ALMS1: variants seen among roughly 807,000 people sequenced by gnomAD.
ALMS1 encodes ALMS1 centrosome and basal body associated protein, also known as centrosome-associated protein ALMS1.
Under a neutral mutation model 352.2 loss-of-function variants are expected in ALMS1, and 271 were observed. The ratio of observed to expected loss-of-function variants is 0.77; its 90% CI spans 0.70 to 0.85. The LOEUF (loss-of-function observed/expected upper bound fraction) is 0.85. Among genes scored for constraint, ALMS1 ranks in the 40% least tolerant of loss-of-function variants. The pLI, the probability that ALMS1 is intolerant of heterozygous loss-of-function variation, is 0.00. For missense variants in ALMS1, 5,445 were observed against 4,870.7 expected (o/e 1.12, Z -3.51); for synonymous variants, 1,865 against 1,761.2 (o/e 1.06, Z -1.48).
intron 1 of ALMS1, among the ~76,000 whole-genome samples, chr2:73,393,458 G>C (rs1670692235): frequency 6.6e-6 from 1 of 151,652 alleles, no homozygotes; most frequent in South Asian, 2.1e-4. Flanking sequence ...TTGTTACATT[G>C]ATATATTGCA....
intron 10 of ALMS1, 117 bp from the exon 11 acceptor site, chr2:73,519,658 G>T: frequency 7.3e-7 from 1 of 1,366,078 alleles, no homozygotes; most frequent in South Asian, 1.3e-5. Flanking sequence ...ACATTGATGT[G>T]TCCACAATAT....
chr2:73,584,755 A>G (rs186668412), intron 16 of ALMS1, among the ~76,000 whole-genome samples: 2 of 152,242 alleles, frequency 1.3e-5, no homozygotes, highest in African/African-American at 4.8e-5. Flanking sequence ...ACTGCACCTA[A>G]TGTGTAGTCT....
At chr2:73,607,927 G>A (rs1011802328) in intron 21 of ALMS1, among the ~76,000 whole-genome samples, 4 of 151,008 alleles carry the variant, frequency 2.6e-5, no homozygotes, top group African/African-American at 9.8e-5. Flanking sequence ...CTCCCAAAGT[G>A]CTGGGTTTAC....
intron 6 of ALMS1, among the ~76,000 whole-genome samples, chr2:73,427,792 G>T (rs926903554): frequency 6.6e-6 from 1 of 152,114 alleles, no homozygotes; most frequent in Non-Finnish European, 1.5e-5. Context: ...GTCTGGTACT[G>T]TAAGTCCCAA....
At chr2:73,390,897 A>T (rs1670630125) in intron 1 of ALMS1, among the ~76,000 whole-genome samples, 2 of 152,056 alleles carry the variant, frequency 1.3e-5, no homozygotes, top group South Asian at 4.2e-4. Flanking sequence ...CAGCCTCCGC[A>T]GTAGCTGGGA....
At chr2:73,571,255 G>T (rs1303631796) in intron 15 of ALMS1, among the ~76,000 whole-genome samples, 1 of 152,166 alleles carries the variant, frequency 6.6e-6, no homozygotes, top group Non-Finnish European at 1.5e-5. Flanking sequence ...TCCCATCATT[G>T]CATGTGTGTA....
chr2:73,439,601 T>C (rs7598946), intron 7 of ALMS1, among the ~76,000 whole-genome samples: 58,476 of 151,858 alleles, frequency 0.39, 15,742 homozygotes, highest in African/African-American at 0.77. Flanking sequence ...AGTACGGTGG[T>C]GTGATCTCGG....
rs534594929 is a variant in ALMS1 at position 73,430,302 on chromosome 2, T to G, written c.1339-1896T>G. Among the ~76,000 whole-genome samples, 7 of 152,282 alleles carry G rather than the reference T, an allele frequency of 4.6e-5. No individual in the cohort carries two copies. In the East Asian group the frequency reaches 1.4e-3, roughly 29 times the overall value. On this transcript the variant is annotated intron_variant, in intron 6 of 22. Coordinates refer to ENST00000613296, the MANE Select transcript of ALMS1 (RefSeq NM_001378454.1). Reference sequence around the variant, plus strand: ...CGTGTTAGCCAGGATGGTCTCGATCTCCTGACTTCGTGATCCGCCCGCCTC... The same window carrying G: ...CGTGTTAGCCAGGATGGTCTCGATCGCCTGACTTCGTGATCCGCCCGCCTC...
intron 11 of ALMS1, among the ~76,000 whole-genome samples, chr2:73,530,874 A>T (rs1673896085): frequency 6.6e-6 from 1 of 152,208 alleles, no homozygotes; most frequent in Admixed American, 6.5e-5. Context: ...CAATGTCCTG[A>T]GCTGTCCTTT....
intron 1 of ALMS1, among the ~76,000 whole-genome samples, chr2:73,408,377 T>C (rs924829051): frequency 6.6e-6 from 1 of 152,216 alleles, no homozygotes; most frequent in African/African-American, 2.4e-5. Context: ...CTTGTTTCTG[T>C]TTGCTGCTTT....
At chr2:73,538,565 G>A (rs139995885) in intron 12 of ALMS1, among the ~76,000 whole-genome samples, 2,476 of 152,246 alleles carry the variant, frequency 0.016, 68 homozygotes, top group African/African-American at 0.056. Flanking sequence ...CACACCGAGC[G>A]TGAGCCGAAG....
In ALMS1 at chr2:73,419,341, A is replaced by G. The variant is rs182734615; in HGVS notation, c.646+23A>G. On this transcript the variant is annotated intron_variant, in intron 3 of 22. Coordinates refer to ENST00000613296, the MANE Select transcript of ALMS1 (RefSeq NM_001378454.1). ...TAGGTAATGCCTGTTTATTTTAACT[A>G]GTAGTAATACCTCACATTTGTAAGT... 228 of 1,604,860 alleles carry G rather than the reference A, an allele frequency of 1.4e-4. No homozygotes were observed. In the East Asian group the frequency reaches 4.5e-3, roughly 32 times the overall value.
At chr2:73,608,699 T>C in intron 22 of ALMS1, 125 bp downstream of exon 22, 1 of 776,028 alleles carries the variant, frequency 1.3e-6, no homozygotes, top group South Asian at 1.5e-5. Flanking sequence ...GAACTTAGAA[T>C]GCACTGGACC....
At chr2:73,422,088 T>G (rs1671294936) in intron 3 of ALMS1, among the ~76,000 whole-genome samples, 1 of 152,102 alleles carries the variant, frequency 6.6e-6, no homozygotes. Context: ...AAATTAAAAC[T>G]GAAACATTTA....
chr2:73,497,297 T>G (rs1340441847), intron 10 of ALMS1, among the ~76,000 whole-genome samples: 1 of 152,152 alleles, frequency 6.6e-6, no homozygotes, highest in African/African-American at 2.4e-5. Context: ...TTTTTTTAAT[T>G]TTTAAATTTT....
chr2:73,526,887 G>A (rs1171068907), intron 11 of ALMS1, among the ~76,000 whole-genome samples: 1 of 152,136 alleles, frequency 6.6e-6, no homozygotes, highest in Admixed American at 6.5e-5. Context: ...TCCCCATTCA[G>A]TATGATACTA....
At chr2:73,593,552 CAATA>C (rs1442417997) in intron 16 of ALMS1, among the ~76,000 whole-genome samples, 18 of 152,290 alleles carry the variant, frequency 1.2e-4, no homozygotes, top group African/African-American at 4.3e-4. Context: ...AGTTGGCATA[CAATA>C]AATAAGTGCA....
At chr2:73,472,769 G>A (rs1452786835) in intron 9 of ALMS1, among the ~76,000 whole-genome samples, 1 of 152,056 alleles carries the variant, frequency 6.6e-6, no homozygotes. Flanking sequence ...GATTAGTACA[G>A]ATCTTGCTCT....
chr2:73,454,374 A>AAG (rs1417023862), intron 8 of ALMS1: 2 of 985,102 alleles, frequency 2.0e-6, no homozygotes, highest in African/African-American at 3.5e-5. Context: ...ACAGAGAGTA[A>AAG]AGAGGTCGCT....
Sources: allele counts gnomAD v4.1 joint callset (sites outside exome capture counted in the v4.1 genomes callset), GRCh38; gene constraint gnomAD v4.1.1; transcripts MANE v1.5; gene names NCBI Gene and HGNC (gene_info 2026-07-23, HGNC 2026-07-21).